The following RPRD1B variants were observed in gnomAD, a reference collection of about 807,000 sequenced individuals.
RPRD1B encodes the protein regulation of nuclear pre-mRNA domain containing 1B.
Under a neutral mutation model 41.5 loss-of-function variants are expected in RPRD1B, and 11 were observed. The observed-to-expected ratio is 0.27, with a 90% CI of 0.17 to 0.44. The LOEUF (loss-of-function observed/expected upper bound fraction) is 0.44, where lower values mean the gene tolerates loss of function less well. Ranked by LOEUF, RPRD1B falls within the 20% of genes least tolerant of loss-of-function variation. The pLI is 1.00. For synonymous variants in RPRD1B, 158 were observed against 155.6 expected (o/e 1.02, Z -0.12); for missense variants, 248 against 389.9 (o/e 0.64, Z 3.06).
intron 3 of RPRD1B, among the ~76,000 whole-genome samples, chr20:38,051,721 T>G (rs775364813): frequency 6.6e-6 from 1 of 152,264 alleles, no homozygotes; most frequent in South Asian, 2.1e-4. Flanking sequence ...TAATATAGTT[T>G]AGCTATTCAG....
chr20:38,074,476 T>C (rs578234529), intron 6 of RPRD1B, among the ~76,000 whole-genome samples: 28 of 152,332 alleles, frequency 1.8e-4, no homozygotes, highest in African/African-American at 6.3e-4. Context: ...TTTGAGACTT[T>C]ACATTGAAAA....
chr20:38,080,751 C>A (rs1216976371), intron 6 of RPRD1B, among the ~76,000 whole-genome samples: 1 of 152,188 alleles, frequency 6.6e-6, no homozygotes, highest in Non-Finnish European at 1.5e-5. Flanking sequence ...TCTCGAACTC[C>A]TTACCTCAGG....
intron 1 of RPRD1B, among the ~76,000 whole-genome samples, chr20:38,035,804 A>C (rs1217468920): frequency 3.4e-4 from 51 of 149,320 alleles, no homozygotes; most frequent in African/African-American, 1.1e-3. Flanking sequence ...TCGCTCTGTC[A>C]CCCAGGCTGA....
At chr20:38,039,744 T>C (rs1209611340) in intron 1 of RPRD1B, among the ~76,000 whole-genome samples, 1 of 151,540 alleles carries the variant, frequency 6.6e-6, no homozygotes, top group Non-Finnish European at 1.5e-5. Flanking sequence ...TCTTTTTTTT[T>C]TTTTTTTGAG....
intron 6 of RPRD1B, among the ~76,000 whole-genome samples, chr20:38,083,413 C>T (rs959664646): frequency 6.6e-6 from 1 of 152,106 alleles, no homozygotes. Flanking sequence ...GAAAATTGTC[C>T]AGTCCTAAAG....
At chr20:38,075,623 T>A (rs956026229) in intron 6 of RPRD1B, among the ~76,000 whole-genome samples, 3 of 152,240 alleles carry the variant, frequency 2.0e-5, no homozygotes, top group African/African-American at 7.2e-5. Context: ...CTGAAGAAAG[T>A]TAAAATTGGA....
At chr20:38,087,102 G>A (rs551758769) in intron 6 of RPRD1B, among the ~76,000 whole-genome samples, 1 of 151,978 alleles carries the variant, frequency 6.6e-6, no homozygotes, top group Non-Finnish European at 1.5e-5. Context: ...CGATTAACAG[G>A]CACCCACCAC....
chr20:38,038,724 G>A (rs928832922), intron 1 of RPRD1B, among the ~76,000 whole-genome samples: 1 of 151,988 alleles, frequency 6.6e-6, no homozygotes, highest in African/African-American at 2.4e-5. Context: ...CCTTGATCTC[G>A]TGACCTCAGG....
Position 38,061,035 on chromosome 20 carries a change from C to G in RPRD1B, c.655+1515C>G, listed in dbSNP as rs1454333282. ...AAATTGCAAGCAAGTTAATGTAAAG[C>G]TAGCCATGTATGTAATTTTGTTTCT... On this transcript the variant is annotated intron_variant, in intron 5 of 6. Transcript: ENST00000373433. 2.0e-5 allele frequency among the ~76,000 whole-genome samples: 3 copies of G among 152,240 alleles called. No individual in the cohort carries two copies. In the East Asian group the frequency reaches 5.8e-4, roughly 29 times the overall value.
At chr20:38,071,592 G>A (rs901218674) in intron 6 of RPRD1B, among the ~76,000 whole-genome samples, 1 of 152,154 alleles carries the variant, frequency 6.6e-6, no homozygotes, top group Non-Finnish European at 1.5e-5. Flanking sequence ...GTAATTCTAT[G>A]TAACATTTTG....
In RPRD1B at chr20:38,091,164, G is replaced by T. The variant is rs916817945; in HGVS notation, c.*1289G>T. 2.0e-6 allele frequency: 2 copies of T among 985,668 alleles called. No homozygotes were observed. The highest frequency in any genetic ancestry group is 3.5e-5 in the African/African-American group (2 of 57,206). 61.1% of individuals were successfully genotyped at this position (985,668 alleles called of 1,614,324 possible). A position where few individuals can be genotyped will look rare whatever the true frequency, so the allele number is the denominator to read the frequency against. ...TTTGACATTGGAAAGGGCAGAAAGC[G>T]ATTTGCCCCAGTAGTGTAATAGGAG... On this transcript the variant is annotated 3_prime_UTR_variant, in exon 7 of 7. Coordinates refer to ENST00000373433, the MANE Select transcript of RPRD1B (RefSeq NM_021215.4).
chr20:38,035,767 TG>T lies in RPRD1B; in HGVS notation c.151+1670del, dbSNP rs1294394707. Among the ~76,000 whole-genome samples, 18 of 136,648 alleles carry T rather than the reference TG, an allele frequency of 1.3e-4. 1 individual carries two copies. The highest frequency in any genetic ancestry group is 4.3e-4 in the African/African-American group (13 of 29,940). 89.6% of individuals were successfully genotyped at this position (136,648 alleles called of 152,430 possible). A position where few individuals can be genotyped will look rare whatever the true frequency, so the allele number is the denominator to read the frequency against. ...AGTCCATCTCAGGTGTCATTTTTTTTGTTTTTTTTTTTTTGAGATGGGGGTC... is the reference window on the plus strand; with the variant it reads ...AGTCCATCTCAGGTGTCATTTTTTTTTTTTTTTTTTTTTGAGATGGGGGTC... On this transcript the variant is annotated intron_variant, in intron 1 of 6. Coordinates refer to ENST00000373433, the MANE Select transcript of RPRD1B (RefSeq NM_021215.4).
At chr20:38,078,473 C>T (rs1016534881) in intron 6 of RPRD1B, among the ~76,000 whole-genome samples, 8 of 152,208 alleles carry the variant, frequency 5.3e-5, no homozygotes, top group African/African-American at 1.7e-4. Flanking sequence ...CCCCAACCCC[C>T]CAGCCCCATA....
At chr20:38,088,408 G>C (rs1009306020) in intron 6 of RPRD1B, among the ~76,000 whole-genome samples, 1 of 152,174 alleles carries the variant, frequency 6.6e-6, no homozygotes, top group Admixed American at 6.5e-5. Context: ...ACACATCCAC[G>C]GTCACACAGC....
At chr20:38,060,796 T>G (rs1303505431) in intron 5 of RPRD1B, among the ~76,000 whole-genome samples, 1 of 152,056 alleles carries the variant, frequency 6.6e-6, no homozygotes, top group Non-Finnish European at 1.5e-5. Flanking sequence ...CTCCCCCACC[T>G]CTTCCTAGTC....
chr20:38,065,978 C>T, intron 5 of RPRD1B, 103 bp from the exon 6 acceptor site: 2 of 1,136,228 alleles, frequency 1.8e-6, no homozygotes, highest in Middle Eastern at 2.3e-4. Flanking sequence ...TTCTCAGACT[C>T]TGTATATTGG....
At chr20:38,040,775 A>C (rs2074058368) in intron 2 of RPRD1B, among the ~76,000 whole-genome samples, 6 of 152,170 alleles carry the variant, frequency 3.9e-5, no homozygotes, top group Admixed American at 2.0e-4. Context: ...TCAGCCTAGC[A>C]TTATCTTTCT....
intron 6 of RPRD1B, among the ~76,000 whole-genome samples, chr20:38,068,351 A>G (rs1335817424): frequency 1.3e-5 from 2 of 152,206 alleles, no homozygotes; most frequent in Non-Finnish European, 2.9e-5. Flanking sequence ...TGTAAAAAAT[A>G]GAGCCGATTT....
chr20:38,086,856 A>G (rs1364451626), intron 6 of RPRD1B, among the ~76,000 whole-genome samples: 2 of 152,246 alleles, frequency 1.3e-5, no homozygotes, highest in Non-Finnish European at 2.9e-5. Flanking sequence ...GGTAATGTCC[A>G]GAATATAATA....
Sources: gnomAD v4.1 joint callset for allele counts (sites outside exome capture counted in the v4.1 genomes callset) on GRCh38, gnomAD v4.1.1 for gene constraint, MANE v1.5 for transcripts, NCBI Gene and HGNC (gene_info 2026-07-23, HGNC 2026-07-21) for gene names.